NECAB2: variants seen among roughly 807,000 people sequenced by gnomAD.
NECAB2 encodes the protein N-terminal EF-hand calcium-binding protein 2.
A neutral mutation model predicts 51.9 loss-of-function variants in NECAB2; 68 were observed. The ratio of observed to expected loss-of-function variants is 1.31; its 90% CI spans 1.08 to 1.60. The LOEUF (loss-of-function observed/expected upper bound fraction) is 1.60. Ranked by LOEUF, NECAB2 falls within the 40% of genes most tolerant of loss-of-function variation. NECAB2 has a pLI of 0.00. For missense variants in NECAB2, 854 were observed against 490.3 expected, an observed-to-expected ratio of 1.74 and a Z score of -7.00; for synonymous variants, 329 against 203.5, an observed-to-expected ratio of 1.62 and a Z score of -5.25.
At chr16:83,999,924 A>C (rs1225571647) in intron 10 of NECAB2, among the ~76,000 whole-genome samples, 1 of 146,422 alleles carries the variant, frequency 6.8e-6, no homozygotes, top group African/African-American at 2.8e-5. Context: ...TTTATTGTCC[A>C]GGCAGGAGTG....
chr16:83,981,583 G>C (rs1379558742), intron 5 of NECAB2, among the ~76,000 whole-genome samples: 1 of 152,112 alleles, frequency 6.6e-6, no homozygotes, highest in Non-Finnish European at 1.5e-5. Flanking sequence ...GGTGGTTGCT[G>C]TCACCTCCAC....
intron 1 of NECAB2, among the ~76,000 whole-genome samples, chr16:83,969,154 A>T (rs1381450336): frequency 1.4e-5 from 2 of 147,600 alleles, no homozygotes; most frequent in African/African-American, 5.0e-5. Context: ...CTGTCCCCCT[A>T]GTTTTGTCCA....
Position 83,993,620 on chromosome 16 carries a change from CTGTGTGTGTGTGTGTGTG to C in NECAB2, c.597-650_597-633del, listed in dbSNP as rs57610964. On this transcript the variant is annotated intron_variant, in intron 6 of 12. Transcript: ENST00000305202. Reference sequence around the variant, plus strand: ...TGTGCTGGACACAGTGCAAGGTGAGCTGTGTGTGTGTGTGTGTGTGTGTGTGTGTGTGTGTGTGTGTGT... The same window carrying C: ...TGTGCTGGACACAGTGCAAGGTGAGCTGTGTGTGTGTGTGTGTGTGTGTGT... The C allele has an allele frequency of 9.1e-4, 123 of 135,444 alleles. No individual in the cohort carries two copies. The South Asian group carries it at 0.012, about 13-fold the overall frequency. The allele number at this position is 135,444 out of a possible 1,614,324, so 8.4% of individuals were successfully genotyped here.
chr16:83,978,372 C>A, intron 2 of NECAB2, 72 bp from the exon 3 acceptor site: 2 of 1,215,240 alleles, frequency 1.6e-6, no homozygotes, highest in Non-Finnish European at 2.4e-6. Flanking sequence ...GATTTGGGGG[C>A]CGTGCATGCA....
At chr16:83,972,564 A>G (rs538744939) in intron 2 of NECAB2, among the ~76,000 whole-genome samples, 1 of 152,202 alleles carries the variant, frequency 6.6e-6, no homozygotes, top group Non-Finnish European at 1.5e-5. Context: ...TAGGCCCTTC[A>G]CAAGCCTTGG....
At chr16:83,974,811 G>A (rs1269964656) in intron 2 of NECAB2, among the ~76,000 whole-genome samples, 1 of 152,148 alleles carries the variant, frequency 6.6e-6, no homozygotes, top group Non-Finnish European at 1.5e-5. Context: ...AGGAATGAGT[G>A]TAGGGGTGAG....
Position 84,002,554 on chromosome 16 carries a change from A to G in NECAB2, c.*208A>G, listed in dbSNP as rs1218112846. ...GTGTCTGTGCTGCCAGGTCCTGGTG[A>G]AGCCCAAGGTTGAAGGGGGCGGCTT... is the stretch of plus-strand genomic sequence containing the variant. On this transcript the variant is annotated 3_prime_UTR_variant, in exon 13 of 13. Transcript: ENST00000305202. 5 of 659,746 alleles carry G rather than the reference A, an allele frequency of 7.6e-6. No homozygotes were observed. The East Asian group carries it at 1.4e-4, about 18-fold the overall frequency. 40.9% of individuals were successfully genotyped at this position (659,746 alleles called of 1,614,324 possible). A position where few individuals can be genotyped will look rare whatever the true frequency, so the allele number is the denominator to read the frequency against.
Position 84,002,392 on chromosome 16 carries a change from T to C in NECAB2, c.*46T>C. 1 of 1,589,074 alleles carries C rather than the reference T, an allele frequency of 6.3e-7. No individual in the cohort carries two copies. The highest frequency in any genetic ancestry group is 8.6e-7 in the Non-Finnish European group (1 of 1,169,434). ...GAGGAGCCCACCAGCCCCTTCTTCTTGTGAAGGAAATCCCGTTTTTTTCTA... is the reference window on the plus strand; with the variant it reads ...GAGGAGCCCACCAGCCCCTTCTTCTCGTGAAGGAAATCCCGTTTTTTTCTA... On this transcript the variant is annotated 3_prime_UTR_variant, in exon 13 of 13. Coordinates refer to ENST00000305202, the MANE Select transcript of NECAB2 (RefSeq NM_019065.3).
At position 84,001,832 on chromosome 16, in the gene NECAB2, CAGAG is replaced by C; in HGVS notation, c.1049_1052del (p.Gln350ProfsTer15). 1 of 1,614,098 alleles carries C rather than the reference CAGAG, an allele frequency of 6.2e-7. No homozygotes were observed. The highest frequency in any genetic ancestry group is 8.5e-7 in the Non-Finnish European group (1 of 1,179,942). On this transcript the variant is annotated frameshift_variant, in exon 12 of 13. Coordinates refer to ENST00000305202, the MANE Select transcript of NECAB2 (RefSeq NM_019065.3). LOFTEE classifies it high-confidence loss of function. ...CATGTCCCTGCGTCACAGGCACCTG[CAGAG>C]CCCCCTGTGTAAGGCGTTCCGGCAC...
intron 5 of NECAB2, among the ~76,000 whole-genome samples, chr16:83,986,586 C>T (rs2084559345): frequency 6.6e-6 from 1 of 152,126 alleles, no homozygotes. Flanking sequence ...AGTCATTACT[C>T]ATTGCAGCCT....
At chr16:83,979,019 T>A (rs1289286905) in intron 3 of NECAB2, among the ~76,000 whole-genome samples, 1 of 152,172 alleles carries the variant, frequency 6.6e-6, no homozygotes, top group East Asian at 1.9e-4. Context: ...TTATAGCTTA[T>A]TAAACCTTTT....
At chr16:83,983,295 C>T (rs559924508) in intron 5 of NECAB2, among the ~76,000 whole-genome samples, 1 of 152,228 alleles carries the variant, frequency 6.6e-6, no homozygotes, top group South Asian at 2.1e-4. Flanking sequence ...TTAAGAGTGC[C>T]GTTGTCTCTG....
In NECAB2 at chr16:83,993,679, C is replaced by T. The variant is rs1005213486; in HGVS notation, c.597-623C>T. 7 of 143,060 alleles carry T rather than the reference C, an allele frequency of 4.9e-5. No individual in the cohort carries two copies. The East Asian group carries it at 1.3e-3, about 27-fold the overall frequency. 8.9% of individuals were successfully genotyped at this position (143,060 alleles called of 1,614,324 possible). A position where few individuals can be genotyped will look rare whatever the true frequency, so the allele number is the denominator to read the frequency against. Reference sequence around the variant, plus strand: ...GTGTGTGTGTGTGTGTCTGCCTCTGCCTGTGGCTAGCTGTGCCTGTCAGGG... The same window carrying T: ...GTGTGTGTGTGTGTGTCTGCCTCTGTCTGTGGCTAGCTGTGCCTGTCAGGG... On this transcript the variant is annotated intron_variant, in intron 6 of 12. Coordinates refer to ENST00000305202, the MANE Select transcript of NECAB2 (RefSeq NM_019065.3).
intron 10 of NECAB2, among the ~76,000 whole-genome samples, chr16:83,998,742 T>C (rs35603484): frequency 0.067 from 10,238 of 152,190 alleles, 342 homozygotes; most frequent in East Asian, 0.11. Flanking sequence ...AGTTAACCAC[T>C]GAGGAAGGAG....
intron 5 of NECAB2, among the ~76,000 whole-genome samples, chr16:83,986,482 C>T (rs892674073): frequency 1.3e-5 from 2 of 152,108 alleles, no homozygotes; most frequent in Non-Finnish European, 1.5e-5. Context: ...ACCAATTGCC[C>T]TGTGGAGAGT....
Position 83,974,254 on chromosome 16 carries a change from C to T in NECAB2, c.226+2079C>T, listed in dbSNP as rs544213259. Among the ~76,000 whole-genome samples, 60 of 152,242 alleles carry T rather than the reference C, an allele frequency of 3.9e-4. No homozygotes were observed. The South Asian group carries it at 8.9e-3, about 23-fold the overall frequency. ...GCCTAGGCTCAAGTCCTGGCTCAGC[C>T]GCGTACCGGCTCTGGCCTCAGGCAA... is the stretch of plus-strand genomic sequence containing the variant. On this transcript the variant is annotated intron_variant, in intron 2 of 12. Transcript: ENST00000305202.
At chr16:83,965,289 C>T, upstream of NECAB2, 1 of 1,601,882 alleles carries the variant, frequency 6.2e-7, no homozygotes, top group East Asian at 2.2e-5. Flanking sequence ...TCGCTGTGGG[C>T]CCGCAACGTG....
intron 5 of NECAB2, among the ~76,000 whole-genome samples, chr16:83,983,859 A>C (rs184271276): frequency 6.6e-6 from 1 of 152,288 alleles, no homozygotes. Flanking sequence ...TCTACGTAAA[A>C]ATAGAATTTA....
intron 1 of NECAB2, among the ~76,000 whole-genome samples, chr16:83,970,712 C>A (rs573063074): frequency 6.6e-6 from 1 of 152,276 alleles, no homozygotes; most frequent in African/African-American, 2.4e-5. Flanking sequence ...GCTGCCTCTC[C>A]CTGGGTCTCA....
Sources: gnomAD v4.1 joint callset for allele counts (sites outside exome capture counted in the v4.1 genomes callset) on GRCh38, gnomAD v4.1.1 for gene constraint, MANE v1.5 for transcripts, NCBI Gene and HGNC (gene_info 2026-07-23, HGNC 2026-07-21) for gene names.